RC3H1: variants seen among roughly 807,000 people sequenced by gnomAD.
RC3H1 encodes the protein ring finger and CCCH-type domains 1.
Under a neutral mutation model 138.2 loss-of-function variants are expected in RC3H1, and 50 were observed. That is an observed-to-expected ratio of 0.36 (90% CI 0.29 to 0.46). The LOEUF is 0.46. RC3H1 is among the 20% of genes least tolerant of loss of function. The pLI is 1.00. For synonymous variants in RC3H1, 462 were observed against 489.1 expected (o/e 0.94, Z 0.73); for missense variants, 1,031 against 1,388.1 (o/e 0.74, Z 4.09).
chr1:173,953,282 CT>C (rs1016170818), intron 13 of RC3H1, among the ~76,000 whole-genome samples: 1 of 151,812 alleles, frequency 6.6e-6, no homozygotes, highest in Non-Finnish European at 1.5e-5. Context: ...TACAGTGCTC[CT>C]TTTTTTTGAG....
At chr1:173,941,211 AGTTT>A (rs1658843596) in intron 19 of RC3H1, 50 bp downstream of exon 19, 1 of 967,100 alleles carries the variant, frequency 1.0e-6, no homozygotes, top group Non-Finnish European at 1.7e-6. Context: ...ATAATATATT[AGTTT>A]CTCTTTTGTG....
At chr1:173,994,945 G>T (rs993876726) in intron 1 of RC3H1, among the ~76,000 whole-genome samples, 19 of 152,224 alleles carry the variant, frequency 1.2e-4, no homozygotes, top group South Asian at 2.1e-4. Flanking sequence ...AAGTCCACAT[G>T]GAGCTTGCAC....
intron 1 of RC3H1, among the ~76,000 whole-genome samples, chr1:174,007,466 G>A (rs889880893): frequency 6.6e-6 from 1 of 151,820 alleles, no homozygotes; most frequent in Non-Finnish European, 1.5e-5. Context: ...GCAATGTTTT[G>A]TTGTTGTTGT....
Position 173,962,067 on chromosome 1 carries a change from A to G in RC3H1, c.1860T>C (p.Cys620=). 2 of 1,613,932 alleles carry G rather than the reference A, an allele frequency of 1.2e-6. No homozygotes were observed. Among genetic ancestry groups the G allele is most frequent in the Non-Finnish European group, 1.7e-6 (2 of 1,179,898 alleles). ...QGMYYTPPPQ[C]VSRFVRPPPS... Reference sequence around the variant, plus strand: ...GTGGAGGTCGGACAAAGCGGGACACACATTGTGGTGGTGGAGTATAATACA... The same window carrying G: ...GTGGAGGTCGGACAAAGCGGGACACGCATTGTGGTGGTGGAGTATAATACA... Residue 620 remains cysteine (C), a synonymous_variant, in exon 12 of 20, where the codon TGT becomes TGC. Transcript: ENST00000367696.
intron 14 of RC3H1, among the ~76,000 whole-genome samples, chr1:173,948,345 C>T (rs1659225644): frequency 6.6e-6 from 1 of 152,058 alleles, no homozygotes; most frequent in Non-Finnish European, 1.5e-5. Context: ...GAGCATCTTT[C>T]TATTTCACAG....
At chr1:174,020,408 A>C (rs1661935813) in intron 1 of RC3H1, among the ~76,000 whole-genome samples, 1 of 152,204 alleles carries the variant, frequency 6.6e-6, no homozygotes, top group Non-Finnish European at 1.5e-5. Context: ...GGAAGAACTA[A>C]GAACTAGACT....
intron 18 of RC3H1, among the ~76,000 whole-genome samples, chr1:173,941,940 G>GAAAAAAAAA (rs57487234): frequency 2.0e-5 from 2 of 98,206 alleles, no homozygotes; most frequent in African/African-American, 3.3e-5. Flanking sequence ...TCAAAAAAAG[G>GAAAAAAAAA]AAAAAAAAAA....
intron 1 of RC3H1, among the ~76,000 whole-genome samples, chr1:174,012,992 T>C (rs1222390668): frequency 6.6e-6 from 1 of 151,244 alleles, no homozygotes; most frequent in Non-Finnish European, 1.5e-5. Context: ...CAACATAAAT[T>C]CTTTAAAAAA....
rs74126489 is a variant in RC3H1 at position 174,019,197 on chromosome 1, A to G, written c.-151+2899T>C. Among the ~76,000 whole-genome samples, 894 of 152,354 alleles carry G rather than the reference A, an allele frequency of 5.9e-3. 9 individuals carry two copies. The highest frequency in any genetic ancestry group is 0.021 in the African/African-American group (854 of 41,584). ...TATTTTATAGCATTCAGATATGCTA[A>G]AAACAAAAATTTAAGTGTTTCTTTT... is the stretch of plus-strand genomic sequence containing the variant. On this transcript the variant is annotated intron_variant, in intron 1 of 19. Coordinates refer to ENST00000367696, the MANE Select transcript of RC3H1 (RefSeq NM_172071.4).
chr1:174,010,262 CTTGA>C (rs1661726649), intron 1 of RC3H1, among the ~76,000 whole-genome samples: 1 of 152,096 alleles, frequency 6.6e-6, no homozygotes, highest in East Asian at 1.9e-4. Context: ...TCTCCACTTT[CTTGA>C]TTGAGGCCCT....
chr1:173,962,051 G>T lies in RC3H1; in HGVS notation c.1876C>A (p.Arg626=). ...GGTTCAGGAGCAGATGGTGGAGGTC[G>T]GACAAAGCGGGACACACATTGTGGT... The part of the protein sequence containing the change: ...PPPQCVSRFV[R]PPPSAPEPAP... Residue 626 remains arginine, a synonymous_variant, in exon 12 of 20, where the codon CGA becomes AGA. Transcript: ENST00000367696. 6.2e-7 allele frequency: 1 copy of T among 1,613,832 alleles called. No individual in the cohort carries two copies. Among genetic ancestry groups the T allele is most frequent in the Non-Finnish European group, 8.5e-7 (1 of 1,179,904 alleles).
At chr1:173,971,505 ATTAT>A (rs1277201744) in intron 8 of RC3H1, among the ~76,000 whole-genome samples, 1 of 152,340 alleles carries the variant, frequency 6.6e-6, no homozygotes, top group East Asian at 1.9e-4. Flanking sequence ...AATGACACTT[ATTAT>A]TTATAACTCA....
rs1491143489 is a variant in RC3H1 at position 173,936,762 on chromosome 1, T to TATA, written c.*1958_*1959insTAT. The TATA allele has an allele frequency of 1.4e-4, 2 of 14,274 alleles. No homozygotes were observed. Among genetic ancestry groups the TATA allele is most frequent in the South Asian group, 2.9e-3 (1 of 348 alleles). The allele number at this position is 14,274 out of a possible 1,614,324, so 0.9% of individuals were successfully genotyped here. On this transcript the variant is annotated 3_prime_UTR_variant, in exon 20 of 20. Transcript: ENST00000367696. ...ATATATATATATATATATATATATA[T>TATA]TTTTTTTTTTTTTTTTAAAAAAAGA...
intron 1 of RC3H1, among the ~76,000 whole-genome samples, chr1:174,000,749 A>G (rs1365823107): frequency 6.6e-6 from 1 of 152,224 alleles, no homozygotes; most frequent in Non-Finnish European, 1.5e-5. Context: ...ACTGCCTTGA[A>G]AAATGAAGCT....
Position 173,933,234 on chromosome 1 carries a change from C to T in RC3H1, c.*5487G>A, listed in dbSNP as rs1320941590. On this transcript the variant is annotated 3_prime_UTR_variant, in exon 20 of 20. Transcript: ENST00000367696. ...TCAGGGATAAAGTTTAGGAGAAATTCAGTGTTTGGCTGAAAATCCAGAGGC... is the reference window on the plus strand; with the variant it reads ...TCAGGGATAAAGTTTAGGAGAAATTTAGTGTTTGGCTGAAAATCCAGAGGC... 1 of 152,034 alleles carries T rather than the reference C, an allele frequency of 6.6e-6. No homozygotes were observed. 9.4% of individuals were successfully genotyped at this position (152,034 alleles called of 1,614,324 possible). A position where few individuals can be genotyped will look rare whatever the true frequency, so the allele number is the denominator to read the frequency against.
chr1:173,971,524 T>G (rs540232463), intron 8 of RC3H1, among the ~76,000 whole-genome samples: 1 of 152,288 alleles, frequency 6.6e-6, no homozygotes, highest in African/African-American at 2.4e-5. Flanking sequence ...AACTCAAGGA[T>G]AAGGCAGGAG....
intron 7 of RC3H1, among the ~76,000 whole-genome samples, chr1:173,974,406 TA>T (rs1325302384): frequency 5.9e-5 from 9 of 151,424 alleles, no homozygotes; most frequent in Non-Finnish European, 8.8e-5. Flanking sequence ...TTCAAATATA[TA>T]AATTATCTTC....
chr1:173,981,797 G>A (rs1300230400), intron 5 of RC3H1, among the ~76,000 whole-genome samples: 1 of 152,080 alleles, frequency 6.6e-6, no homozygotes, highest in Non-Finnish European at 1.5e-5. Context: ...ATGATTAGAA[G>A]GCTGGAGGCA....
At chr1:173,979,909 A>G (rs1358392550) in intron 6 of RC3H1, among the ~76,000 whole-genome samples, 2 of 152,096 alleles carry the variant, frequency 1.3e-5, no homozygotes, top group Non-Finnish European at 2.9e-5. Context: ...TCCCCCCTAA[A>G]GAGACAGGGT....
Sources: gnomAD v4.1 joint callset for allele counts (sites outside exome capture counted in the v4.1 genomes callset) on GRCh38, gnomAD v4.1.1 for gene constraint, MANE v1.5 for transcripts, NCBI Gene and HGNC (gene_info 2026-07-23, HGNC 2026-07-21) for gene names.